The following ZNF569 variants were observed in gnomAD, a reference collection of about 807,000 sequenced individuals.
The protein encoded by ZNF569 is zinc finger protein 569.
Under a neutral mutation model 56.3 loss-of-function variants are expected in ZNF569, and 38 were observed. The ratio of observed to expected loss-of-function variants is 0.68; its 90% CI spans 0.52 to 0.88. ZNF569 has a LOEUF of 0.88. Among genes scored for constraint, ZNF569 ranks in the 40% least tolerant of loss-of-function variants. The pLI is 0.00. For missense variants in ZNF569, 666 were observed against 809.2 expected, an observed-to-expected ratio of 0.82 and a Z score of 2.15; for synonymous variants, 241 against 262.9, an observed-to-expected ratio of 0.92 and a Z score of 0.81.
At chr19:37,447,876 T>C (rs1454410708) in intron 2 of ZNF569, among the ~76,000 whole-genome samples, 1 of 152,234 alleles carries the variant, frequency 6.6e-6, no homozygotes, top group Non-Finnish European at 1.5e-5. Flanking sequence ...TATTCTCTTA[T>C]TACAGTCAAC....
upstream of ZNF569, chr19:37,468,918 C>A: frequency 2.9e-6 from 1 of 348,202 alleles, no homozygotes; most frequent in Non-Finnish European, 4.0e-6. Flanking sequence ...CAGCACAATT[C>A]TAGGAATTCG....
upstream of ZNF569, chr19:37,469,207 T>C (rs985547039): frequency 1.5e-5 from 19 of 1,286,454 alleles, no homozygotes; most frequent in African/African-American, 2.7e-4. Context: ...GAGGAGGCCG[T>C]GTTACAAACC....
At position 37,414,167 on chromosome 19, in the gene ZNF569, T is replaced by C; in HGVS notation, c.491A>G (p.His164Arg). The change falls in exon 6 of 6, where the codon CAT (histidine) becomes CGT (arginine). Residue 164 changes from histidine to arginine, a missense_variant. Physicochemically the swap from His to Arg is conservative, Grantham distance 29. Transcript: ENST00000316950. ...NNVKCLMRKEHCEYNEPVKSY... is the reference protein window; with the variant it reads ...NNVKCLMRKERCEYNEPVKSY... ...TTTCACAGGTTCATTATATTCACAA[T>C]GCTCCTTTCTCATAAGGCATTTCAC... The C allele has an allele frequency of 6.2e-7, 1 of 1,613,444 alleles. No individual in the cohort carries two copies. Among genetic ancestry groups the C allele is most frequent in the Non-Finnish European group, 8.5e-7 (1 of 1,179,756 alleles).
chr19:37,426,491 T>C (rs1161658731), intron 3 of ZNF569, 113 bp from the exon 4 acceptor site: 3 of 1,151,772 alleles, frequency 2.6e-6, no homozygotes, highest in South Asian at 2.6e-5. Flanking sequence ...AAGCCCATCA[T>C]ATTAGCAGCA....
rs1275872465 is a variant in ZNF569 at position 37,424,175 on chromosome 19, G to C, written c.238+1693C>G. Among the ~76,000 whole-genome samples, 4 of 152,042 alleles carry C rather than the reference G, an allele frequency of 2.6e-5. No individual in the cohort carries two copies. In the East Asian group the frequency reaches 7.7e-4, roughly 29 times the overall value. Reference sequence around the variant, plus strand: ...GAGAGTAAAACCTAAAAATACAGTGGGAAGTATGACTGTACGACATTTCAG... The same window carrying C: ...GAGAGTAAAACCTAAAAATACAGTGCGAAGTATGACTGTACGACATTTCAG... On this transcript the variant is annotated intron_variant, in intron 5 of 5. Coordinates refer to ENST00000316950, the MANE Select transcript of ZNF569 (RefSeq NM_152484.3).
At chr19:37,463,924 C>G (rs1378929001) in intron 2 of ZNF569, among the ~76,000 whole-genome samples, 1 of 151,912 alleles carries the variant, frequency 6.6e-6, no homozygotes, top group Non-Finnish European at 1.5e-5. Context: ...TTTTATACAG[C>G]TGTACAATAT....
At chr19:37,450,125 G>C (rs1017687378) in intron 2 of ZNF569, among the ~76,000 whole-genome samples, 2 of 152,150 alleles carry the variant, frequency 1.3e-5, no homozygotes, top group Non-Finnish European at 2.9e-5. Flanking sequence ...CAGTTTTCTT[G>C]TGTCTCTGTC....
chr19:37,416,390 G>T (rs887287486), intron 5 of ZNF569, among the ~76,000 whole-genome samples: 1 of 151,954 alleles, frequency 6.6e-6, no homozygotes, highest in South Asian at 2.1e-4. Context: ...CATATGAATT[G>T]ATATTTATTT....
At chr19:37,468,131 C>T, upstream of ZNF569, 1 of 612,186 alleles carries the variant, frequency 1.6e-6, no homozygotes, top group Non-Finnish European at 2.9e-6. Flanking sequence ...GTTGCCCAGG[C>T]TGGAGAGTGC....
At chr19:37,468,419 C>G (rs940471103), upstream of ZNF569, among the ~76,000 whole-genome samples, 1 of 152,126 alleles carries the variant, frequency 6.6e-6, no homozygotes. Context: ...GATAATAGGC[C>G]GGACGCGGTG....
intron 2 of ZNF569, among the ~76,000 whole-genome samples, chr19:37,464,023 G>A (rs187525534): frequency 1.3e-4 from 20 of 152,164 alleles, no homozygotes; most frequent in Non-Finnish European, 2.5e-4. Flanking sequence ...GTAAGCTGAG[G>A]TTAATTTATT....
In ZNF569 at chr19:37,451,289, A is replaced by G. The variant is rs144295362; in HGVS notation, c.-43-6325T>C. ...GTGGTGGACACCTGTAATCTCAGCT[A>G]CTCGGGAGGCTGAGGCAGGAGAATC... On this transcript the variant is annotated intron_variant, in intron 2 of 5. Transcript: ENST00000316950. 2.7e-3 allele frequency among the ~76,000 whole-genome samples: 403 copies of G among 151,358 alleles called. 2 individuals are homozygous for G. The highest frequency in any genetic ancestry group is 9.4e-3 in the African/African-American group (388 of 41,218).
chr19:37,453,731 G>A (rs891241942), intron 2 of ZNF569, among the ~76,000 whole-genome samples: 3 of 151,910 alleles, frequency 2.0e-5, no homozygotes, highest in Non-Finnish European at 4.4e-5. Flanking sequence ...CTATGGTTTC[G>A]TGTCACTAAC....
At chr19:37,429,720 C>A (rs556393923) in intron 3 of ZNF569, among the ~76,000 whole-genome samples, 24 of 152,346 alleles carry the variant, frequency 1.6e-4, no homozygotes, top group Middle Eastern at 3.4e-3. Context: ...TGGACTATTA[C>A]ACTTGATATG....
chr19:37,419,153 G>T (rs1250276516), intron 5 of ZNF569, among the ~76,000 whole-genome samples: 2 of 152,028 alleles, frequency 1.3e-5, no homozygotes, highest in African/African-American at 2.4e-5. Flanking sequence ...GTAAATTTAA[G>T]TTCCTTATAG....
At chr19:37,419,969 C>CTTTTTT (rs60568702) in intron 5 of ZNF569, among the ~76,000 whole-genome samples, 67 of 100,608 alleles carry the variant, frequency 6.7e-4, no homozygotes, top group Admixed American at 8.5e-4. Context: ...TCTTTTCTTT[C>CTTTTTT]TTTTTTTTTT....
At chr19:37,469,139 C>T, upstream of ZNF569, 1 of 1,112,544 alleles carries the variant, frequency 9.0e-7, no homozygotes, top group Non-Finnish European at 1.1e-6. Flanking sequence ...GCAGGGAATC[C>T]GGACTTTCGG....
At chr19:37,454,090 G>C (rs2146962139) in intron 2 of ZNF569, among the ~76,000 whole-genome samples, 1 of 152,134 alleles carries the variant, frequency 6.6e-6, no homozygotes, top group Non-Finnish European at 1.5e-5. Flanking sequence ...TTCAATAGCT[G>C]GACAGGGTTT....
chr19:37,439,190 C>T (rs972895731), intron 3 of ZNF569, among the ~76,000 whole-genome samples: 1 of 152,208 alleles, frequency 6.6e-6, no homozygotes. Flanking sequence ...CCTGCCTCAG[C>T]CTCCTGAGTA....
Sources: gnomAD v4.1 joint callset for allele counts (sites outside exome capture counted in the v4.1 genomes callset) on GRCh38, gnomAD v4.1.1 for gene constraint, MANE v1.5 for transcripts, NCBI Gene and HGNC (gene_info 2026-07-23, HGNC 2026-07-21) for gene names.